The following NAALADL2 variants were observed in gnomAD, a reference collection of about 807,000 sequenced individuals.
NAALADL2 encodes inactive N-acetylated-alpha-linked acidic dipeptidase-like protein 2.
A neutral mutation model predicts 87.2 loss-of-function variants in NAALADL2; 76 were observed. The ratio of observed to expected loss-of-function variants is 0.87; its 90% CI spans 0.72 to 1.05. The LOEUF (loss-of-function observed/expected upper bound fraction) is 1.05. NAALADL2 is among the 50% of genes least tolerant of loss of function. The pLI, the probability that NAALADL2 is intolerant of heterozygous loss-of-function variation, is 0.00. For missense variants in NAALADL2, 1,089 were observed against 945.8 expected, an observed-to-expected ratio of 1.15 and a Z score of -1.99; for synonymous variants, 354 against 331.0, an observed-to-expected ratio of 1.07 and a Z score of -0.75.
intron 1 of NAALADL2, among the ~76,000 whole-genome samples, chr3:174,905,201 T>C (rs1732822649): frequency 6.6e-6 from 1 of 151,946 alleles, no homozygotes; most frequent in Admixed American, 6.6e-5. Flanking sequence ...TTTATTAATA[T>C]ATAGCTGACA....
chr3:175,588,240 C>T lies in NAALADL2; in HGVS notation c.1800+12053C>T, dbSNP rs141614705. 1.3e-3 allele frequency among the ~76,000 whole-genome samples: 204 copies of T among 152,252 alleles called. 2 individuals carry two copies. Among genetic ancestry groups the T allele is most frequent in the African/African-American group, 4.5e-3 (188 of 41,554 alleles). On this transcript the variant is annotated intron_variant, in intron 10 of 13. Coordinates refer to ENST00000454872, the MANE Select transcript of NAALADL2 (RefSeq NM_207015.3). The stretch of plus-strand genomic sequence containing the variant: ...AAGATTGGTCCCTAAGAAATGTGGA[C>T]ACCTGAGCCAATTATTATAGAGTCA...
chr3:174,822,867 T>A (rs1721581626), intron 3 of NAALADL2, among the ~76,000 whole-genome samples: 1 of 152,174 alleles, frequency 6.6e-6, no homozygotes. Context: ...TGCTTGCAAT[T>A]CAATTTTTGT....
At chr3:175,285,493 TGAA>T (rs1394085513) in intron 4 of NAALADL2, among the ~76,000 whole-genome samples, 1 of 152,172 alleles carries the variant, frequency 6.6e-6, no homozygotes, top group Non-Finnish European at 1.5e-5. Flanking sequence ...TCTTCCAAGA[TGAA>T]GAAGTAGTAT....
chr3:174,625,205 C>G (rs992034651), intron 2 of NAALADL2, among the ~76,000 whole-genome samples: 1 of 151,890 alleles, frequency 6.6e-6, no homozygotes, highest in Non-Finnish European at 1.5e-5. Flanking sequence ...ACTATGGGCA[C>G]ACGCCACCAC....
Position 174,763,544 on chromosome 3 carries a change from G to T in NAALADL2, c.-9+25798G>T, listed in dbSNP as rs566548298. On this transcript the variant is annotated intron_variant, in intron 3 of 3. Transcript: ENST00000434257. ...AGAGGTTGCAGTGAACCGAGATTGC[G>T]CCACTGCACTCCATCCTGGGCTACA... Among the ~76,000 whole-genome samples the T allele has an allele frequency of 1.7e-5, 2 of 119,524 alleles. 1 individual carries two copies. The highest frequency in any genetic ancestry group is 5.7e-4 in the South Asian group (2 of 3,530). The allele number at this position is 119,524 out of a possible 152,430, so 78.4% of individuals were successfully genotyped here.
intron 3 of NAALADL2, among the ~76,000 whole-genome samples, chr3:174,818,928 T>C (rs1721094485): frequency 1.3e-5 from 2 of 152,074 alleles, no homozygotes; most frequent in Non-Finnish European, 2.9e-5. Flanking sequence ...CTTTTTAACA[T>C]TCATTTTACT....
chr3:175,735,462 G>A (rs1461982365), intron 11 of NAALADL2, among the ~76,000 whole-genome samples: 1 of 152,094 alleles, frequency 6.6e-6, no homozygotes, highest in Non-Finnish European at 1.5e-5. Context: ...GTATCAGTCT[G>A]CTGCTGATAA....
intron 1 of NAALADL2, among the ~76,000 whole-genome samples, chr3:174,876,229 A>T (rs1652999054): frequency 6.6e-6 from 1 of 152,290 alleles, no homozygotes; most frequent in African/African-American, 2.4e-5. Context: ...AGCGAATAGG[A>T]TCTGAACTCT....
chr3:174,633,643 T>C (rs1052172999), intron 2 of NAALADL2, among the ~76,000 whole-genome samples: 10 of 152,322 alleles, frequency 6.6e-5, no homozygotes, highest in African/African-American at 2.2e-4. Context: ...AATAGACTCC[T>C]TCCTTTTAGA....
intron 13 of NAALADL2, among the ~76,000 whole-genome samples, chr3:175,786,933 C>G (rs944246656): frequency 5.3e-5 from 8 of 152,096 alleles, no homozygotes; most frequent in Admixed American, 3.3e-4. Flanking sequence ...TTCTAACAGA[C>G]AGGACCCTCA....
chr3:174,704,871 T>C (rs1729910309), intron 2 of NAALADL2, among the ~76,000 whole-genome samples: 2 of 152,156 alleles, frequency 1.3e-5, no homozygotes, highest in South Asian at 4.1e-4. Flanking sequence ...AATTTAACAA[T>C]ACACTAATTG....
intron 5 of NAALADL2, among the ~76,000 whole-genome samples, chr3:175,342,653 A>G (rs1581500261): frequency 6.6e-6 from 1 of 152,040 alleles, no homozygotes; most frequent in Non-Finnish European, 1.5e-5. Context: ...TGTAATAGTG[A>G]CTCTGACTTT....
At chr3:174,441,725 C>CTT (rs111370736) in intron 1 of NAALADL2, among the ~76,000 whole-genome samples, 5,572 of 138,104 alleles carry the variant, frequency 0.04, 315 homozygotes, top group African/African-American at 0.13. Flanking sequence ...ACATTCTTTG[C>CTT]TTTTTTTTTT....
intron 11 of NAALADL2, among the ~76,000 whole-genome samples, chr3:175,663,777 T>C (rs1381972480): frequency 6.6e-6 from 1 of 151,974 alleles, no homozygotes; most frequent in African/African-American, 2.4e-5. Context: ...TTTTAATTTG[T>C]ATTTACTAAG....
At chr3:174,962,753 G>C (rs1170777021) in intron 1 of NAALADL2, among the ~76,000 whole-genome samples, 1 of 151,978 alleles carries the variant, frequency 6.6e-6, no homozygotes. Context: ...AAGAGTGTTT[G>C]TTTCATTGCT....
At chr3:174,708,320 T>C (rs1730295773) in intron 2 of NAALADL2, among the ~76,000 whole-genome samples, 1 of 152,192 alleles carries the variant, frequency 6.6e-6, no homozygotes, top group Admixed American at 6.5e-5. Context: ...AACAGAATAT[T>C]GTTTAAGTTA....
chr3:175,718,207 T>TG, intron 11 of NAALADL2: 1 of 672,934 alleles, frequency 1.5e-6, no homozygotes, highest in Admixed American at 3.5e-5. Flanking sequence ...TTTTTTTTTT[T>TG]TTTTTTTTTT....
chr3:174,944,705 T>A (rs1381304894), intron 1 of NAALADL2, among the ~76,000 whole-genome samples: 2 of 152,170 alleles, frequency 1.3e-5, no homozygotes, highest in Non-Finnish European at 2.9e-5. Context: ...CTGCCAAGAC[T>A]CCACATAGCT....
intron 2 of NAALADL2, among the ~76,000 whole-genome samples, chr3:175,149,416 C>T (rs769413982): frequency 9.2e-5 from 14 of 152,050 alleles, no homozygotes; most frequent in African/African-American, 2.7e-4. Context: ...TGCACCTAAT[C>T]GTATTAAACA....
Sources: allele counts gnomAD v4.1 joint callset (sites outside exome capture counted in the v4.1 genomes callset), GRCh38; gene constraint gnomAD v4.1.1; transcripts MANE v1.5; gene names NCBI Gene and HGNC (gene_info 2026-07-23, HGNC 2026-07-21).